The following SAFB2 variants were observed in gnomAD, a reference collection of about 807,000 sequenced individuals.
SAFB2 encodes scaffold attachment factor B2.
A neutral mutation model predicts 100.6 loss-of-function variants in SAFB2; 32 were observed. The ratio of observed to expected loss-of-function variants is 0.32; its 90% CI spans 0.24 to 0.43. The LOEUF (loss-of-function observed/expected upper bound fraction) is 0.43, where lower values mean the gene tolerates loss of function less well. Among genes scored for constraint, SAFB2 ranks in the 20% least tolerant of loss-of-function variants. The probability of loss-of-function intolerance (pLI) is 1.00; values close to 1 mark genes in which losing one functional copy is unlikely to be tolerated. For missense variants in SAFB2, 1,185 were observed against 1,163.4 expected (o/e 1.02, Z -0.27); for synonymous variants, 500 against 439.4 (o/e 1.14, Z -1.72).
intron 18 of SAFB2, among the ~76,000 whole-genome samples, chr19:5,589,430 G>A (rs2052339362): frequency 6.6e-6 from 1 of 152,044 alleles, no homozygotes; most frequent in South Asian, 2.1e-4. Context: ...AGCGCGGAGG[G>A]AGGGATGGAA....
At chr19:5,618,162 A>T (rs1240777535) in intron 2 of SAFB2, among the ~76,000 whole-genome samples, 1 of 152,132 alleles carries the variant, frequency 6.6e-6, no homozygotes, top group Non-Finnish European at 1.5e-5. Flanking sequence ...GATAAAGAAA[A>T]ATCAAACAGA....
rs2052515837 is a variant in SAFB2, at chr19:5,595,414, C to T, written c.1866G>A (p.Glu622=). The change falls in exon 14 of 21, where the codon GAG becomes GAA. Residue 622 remains glutamate, a synonymous_variant. Transcript: ENST00000252542. ...LSFDKIKEQR[E]RERQRQRERE... ...GTTCCCGCTGCCTCTGGCGCTCTCT[C>T]TCCCTTTGTTCTTTGATTTTATCAA... is the stretch of plus-strand genomic sequence containing the variant. 4 of 1,613,566 alleles carry T rather than the reference C, an allele frequency of 2.5e-6. No homozygotes were observed. The highest frequency in any genetic ancestry group is 2.5e-6 in the Non-Finnish European group (3 of 1,179,948).
Position 5,587,150 on chromosome 19 carries a change from T to C in SAFB2, c.*93A>G, listed in dbSNP as rs1284628036. On this transcript the variant is annotated 3_prime_UTR_variant, in exon 21 of 21. Transcript: ENST00000252542. The surrounding 1 kb of genome is among the most constrained non-coding windows in gnomAD (Gnocchi z 4.9). ...CTACAACATGGTGGCAGGATTTACT[T>C]TGCTTTTAAAAAGATCCCCCAAGTT... 4.5e-6 allele frequency: 7 copies of C among 1,539,280 alleles called. No homozygotes were observed. The highest frequency in any genetic ancestry group is 1.2e-5 in the South Asian group (1 of 83,404).
intron 11 of SAFB2, among the ~76,000 whole-genome samples, chr19:5,600,877 A>C (rs572300719): frequency 1.3e-5 from 2 of 152,350 alleles, no homozygotes; most frequent in Admixed American, 6.5e-5. Flanking sequence ...CAGTGAAATA[A>C]ATCATCTTCG....
intron 13 of SAFB2, among the ~76,000 whole-genome samples, chr19:5,597,071 C>T (rs1191480834): frequency 6.6e-6 from 1 of 152,164 alleles, no homozygotes; most frequent in Non-Finnish European, 1.5e-5. Flanking sequence ...AGATGTCTTA[C>T]ACACACTGCA....
At chr19:5,598,937 C>A in intron 12 of SAFB2, 53 bp from the exon 13 acceptor site, 1 of 1,543,038 alleles carries the variant, frequency 6.5e-7, no homozygotes, top group South Asian at 1.1e-5. Context: ...CCCAACTTCC[C>A]GCAGTAAACA....
At chr19:5,621,651 A>G (rs1469708534) in intron 1 of SAFB2, among the ~76,000 whole-genome samples, 1 of 152,244 alleles carries the variant, frequency 6.6e-6, no homozygotes, top group African/African-American at 2.4e-5. Flanking sequence ...ACCAGTTCCA[A>G]AATGGCAACT....
At chr19:5,596,606 G>C (rs1347630875) in intron 13 of SAFB2, among the ~76,000 whole-genome samples, 2 of 152,138 alleles carry the variant, frequency 1.3e-5, no homozygotes, top group Non-Finnish European at 2.9e-5. Context: ...TCCTCCCAAA[G>C]TGCCGGGATT....
chr19:5,593,881 C>A lies in SAFB2; in HGVS notation c.2207+10G>T. The A allele has an allele frequency of 6.8e-7, 1 of 1,478,856 alleles. No homozygotes were observed. The highest frequency in any genetic ancestry group is 8.9e-7 in the Non-Finnish European group (1 of 1,124,762). The allele number at this position is 1,478,856 out of a possible 1,614,324, so 91.6% of individuals were successfully genotyped here. On this transcript the variant is annotated intron_variant, in intron 15 of 20. Transcript: ENST00000252542. ...GTCTCCGTCCTGCCCACGCTCTGGGCGGGACTCACCGGTCCAGGTCGTAGG... is the reference window on the plus strand; with the variant it reads ...GTCTCCGTCCTGCCCACGCTCTGGGAGGGACTCACCGGTCCAGGTCGTAGG...
intron 14 of SAFB2, among the ~76,000 whole-genome samples, chr19:5,594,421 G>A (rs1361633666): frequency 6.6e-6 from 1 of 152,224 alleles, no homozygotes. Flanking sequence ...CAAATGCTGT[G>A]AGCACAGCTT....
intron 2 of SAFB2, among the ~76,000 whole-genome samples, chr19:5,619,724 A>C (rs2053102669): frequency 6.6e-6 from 1 of 152,108 alleles, no homozygotes; most frequent in South Asian, 2.1e-4. Context: ...GGGCACCTGT[A>C]ATCGCAGCTA....
At chr19:5,617,909 AG>A (rs2053065970) in intron 2 of SAFB2, among the ~76,000 whole-genome samples, 1 of 152,224 alleles carries the variant, frequency 6.6e-6, no homozygotes, top group Admixed American at 6.5e-5. Flanking sequence ...TGGGAGGCTA[AG>A]GCAGGTGGCT....
chr19:5,587,747 C>A lies in SAFB2; in HGVS notation c.2659G>T (p.Gly887Trp). Residue 887 changes from glycine (G) to tryptophan (W), a missense_variant, in exon 20 of 21, where the codon GGG (glycine) becomes TGG (tryptophan). This residue lies in a region of SAFB2 where 740 missense variants were observed against 687.1 expected (regional missense o/e 1.08). Coordinates refer to ENST00000252542, the MANE Select transcript of SAFB2 (RefSeq NM_014649.3). This position sits in a 1 kb window ranked among gnomAD's most constrained non-coding sequence, Gnocchi z 4.9. ...GCCATGTGCCCCGGCCCCGAGGGCC[C>A]AGACAGGCCCCTCTCGCCACCTAGA... ...RWQGGERGLS[G>W]PSGPGHMASR... 1 of 1,552,622 alleles carries A rather than the reference C, an allele frequency of 6.4e-7. No homozygotes were observed. The highest frequency in any genetic ancestry group is 8.7e-7 in the Non-Finnish European group (1 of 1,147,632).
chr19:5,621,824 C>T (rs1190701304), intron 1 of SAFB2, among the ~76,000 whole-genome samples: 2 of 152,254 alleles, frequency 1.3e-5, no homozygotes, highest in Non-Finnish European at 2.9e-5. Context: ...GTGCCTGCCA[C>T]CTGCCGGGTC....
chr19:5,616,607 T>C (rs2145359880), intron 2 of SAFB2, 121 bp from the exon 3 acceptor site: 2 of 632,680 alleles, frequency 3.2e-6, no homozygotes, highest in Non-Finnish European at 5.5e-6. Context: ...AAGTCTCCCC[T>C]CTCCTGTCAC....
chr19:5,595,643 G>A (rs2052521099), intron 13 of SAFB2, 146 bp from the exon 14 acceptor site: 11 of 966,610 alleles, frequency 1.1e-5, no homozygotes, highest in Non-Finnish European at 1.5e-5. Flanking sequence ...AGAGGCCCAG[G>A]CATAGGCTGC....
At chr19:5,609,772 C>T (rs145980222) in intron 9 of SAFB2, among the ~76,000 whole-genome samples, 1 of 152,326 alleles carries the variant, frequency 6.6e-6, no homozygotes, top group Admixed American at 6.5e-5. Flanking sequence ...AAACAAGGTG[C>T]ACTGCACAAG....
At chr19:5,616,643 C>CTTTTTTTTTTTT (rs60033130) in intron 2 of SAFB2, among the ~76,000 whole-genome samples, 157 bp from the exon 3 acceptor site, 1 of 72,798 alleles carries the variant, frequency 1.4e-5, no homozygotes, top group African/African-American at 5.8e-5. Context: ...AATTTGTTTT[C>CTTTTTTTTTTTT]TTTTTTTTTT....
intron 5 of SAFB2, 30 bp from the exon 6 acceptor site, chr19:5,612,597 A>G: frequency 1.3e-6 from 2 of 1,598,758 alleles, no homozygotes; most frequent in Non-Finnish European, 1.7e-6. Flanking sequence ...CAAATCCACA[A>G]GTCACTTTAA....
Sources: allele counts gnomAD v4.1 joint callset (sites outside exome capture counted in the v4.1 genomes callset), GRCh38; gene constraint gnomAD v4.1.1; regional missense constraint gnomAD v4.1.1; non-coding constraint Gnocchi (gnomAD v3.1); transcripts MANE v1.5; gene names NCBI Gene and HGNC (gene_info 2026-07-23, HGNC 2026-07-21).